PTPRT: variants seen among roughly 807,000 people sequenced by gnomAD.
The protein encoded by PTPRT is protein tyrosine phosphatase receptor type T, also known as receptor-type tyrosine-protein phosphatase T.
In PTPRT, 56 loss-of-function variants were observed where a neutral mutation model predicts 176.8. The observed-to-expected ratio is 0.32, with a 90% CI of 0.26 to 0.40. The LOEUF is 0.40. Ranked by LOEUF, PTPRT falls within the 10% of genes least tolerant of loss-of-function variation. The probability of loss-of-function intolerance (pLI) is 1.00; values close to 1 mark genes in which losing one functional copy is unlikely to be tolerated. For missense variants in PTPRT, 1,540 were observed against 1,908.2 expected (o/e 0.81, Z 3.60); for synonymous variants, 783 against 739.0 (o/e 1.06, Z -0.96).
intron 2 of PTPRT, among the ~76,000 whole-genome samples, chr20:42,884,787 G>A (rs1288193404): frequency 1.3e-5 from 2 of 152,116 alleles, no homozygotes; most frequent in Non-Finnish European, 2.9e-5. Context: ...GTAGAAAATG[G>A]CCTCCCTTCT....
chr20:42,944,398 G>T (rs535697230), intron 1 of PTPRT, among the ~76,000 whole-genome samples: 53 of 152,236 alleles, frequency 3.5e-4, no homozygotes, highest in Middle Eastern at 3.4e-3. Context: ...GACACTCCTG[G>T]AACAAAAATC....
intron 23 of PTPRT, among the ~76,000 whole-genome samples, chr20:42,107,316 G>A (rs1317841046): frequency 2.0e-5 from 3 of 152,160 alleles, no homozygotes; most frequent in Non-Finnish European, 2.9e-5. Context: ...GGACAGAAAC[G>A]AGAGTCCTCT....
At chr20:42,085,912 C>T (rs1983849204) in intron 27 of PTPRT, 59 bp from the exon 28 acceptor site, 6 of 1,485,732 alleles carry the variant, frequency 4.0e-6, no homozygotes, top group East Asian at 2.3e-5. Flanking sequence ...GTATCAAAGT[C>T]TCATTTATCA....
At chr20:43,059,133 T>C (rs1568759351) in intron 1 of PTPRT, among the ~76,000 whole-genome samples, 2 of 152,222 alleles carry the variant, frequency 1.3e-5, no homozygotes, top group Admixed American at 1.3e-4. Flanking sequence ...TTAGGGTCAT[T>C]CTTCCACTGT....
intron 1 of PTPRT, among the ~76,000 whole-genome samples, chr20:43,131,518 C>T (rs187019516): frequency 3.1e-4 from 47 of 152,260 alleles, no homozygotes; most frequent in African/African-American, 1.1e-3. Flanking sequence ...GAATTTTCCT[C>T]GACCAAATTT....
Position 43,094,703 on chromosome 20 carries a change from CTTTA to C in PTPRT, c.88+94939_88+94942del, listed in dbSNP as rs1371451797. On this transcript the variant is annotated intron_variant, in intron 1 of 30. Coordinates refer to ENST00000373187, the MANE Select transcript of PTPRT (RefSeq NM_007050.6). ...TGAGCCACCATGCCCGGCCTCTTCT[CTTTA>C]TTTATCACCTTAGGTGTTTATTGTT... 2.0e-5 allele frequency among the ~76,000 whole-genome samples: 3 copies of C among 152,194 alleles called. No individual in the cohort carries two copies. In the East Asian group the frequency reaches 5.8e-4, roughly 29 times the overall value.
chr20:42,508,896 A>G (rs1485642967), intron 7 of PTPRT, among the ~76,000 whole-genome samples: 3 of 144,772 alleles, frequency 2.1e-5, no homozygotes, highest in Admixed American at 1.4e-4. Flanking sequence ...TTAATTTATA[A>G]ATATAAATAA....
intron 2 of PTPRT, among the ~76,000 whole-genome samples, chr20:42,856,458 G>A (rs929065031): frequency 1.3e-5 from 2 of 152,050 alleles, no homozygotes; most frequent in African/African-American, 4.8e-5. Context: ...GATGCTCCAG[G>A]AAACATAAAT....
chr20:42,433,148 G>C (rs541577401), intron 9 of PTPRT, among the ~76,000 whole-genome samples: 18 of 152,252 alleles, frequency 1.2e-4, no homozygotes, highest in African/African-American at 3.9e-4. Context: ...CAGTGTGTGG[G>C]AAGTTTCCCC....
At chr20:43,164,998 A>C (rs544334203) in intron 1 of PTPRT, among the ~76,000 whole-genome samples, 76 of 152,106 alleles carry the variant, frequency 5.0e-4, no homozygotes, top group Non-Finnish European at 2.8e-4. Flanking sequence ...CACAAATCTC[A>C]TCTTGAATTG....
In PTPRT at chr20:42,886,487, C is replaced by T. The variant is rs1279255560; in HGVS notation, c.89-555G>A. On this transcript the variant is annotated intron_variant, in intron 1 of 30. Coordinates refer to ENST00000373187, the MANE Select transcript of PTPRT (RefSeq NM_007050.6). ...AATAACATGTGAAAAGTAACTGCCA[C>T]AGAATACTTTCTCAGTGCCCACCTG... 2.6e-5 allele frequency among the ~76,000 whole-genome samples: 4 copies of T among 152,306 alleles called. No individual in the cohort carries two copies. The East Asian group carries it at 7.7e-4, about 29-fold the overall frequency.
At chr20:42,650,063 G>T (rs1159297517) in intron 7 of PTPRT, among the ~76,000 whole-genome samples, 1 of 152,080 alleles carries the variant, frequency 6.6e-6, no homozygotes, top group Non-Finnish European at 1.5e-5. Flanking sequence ...CTGCAAGAGG[G>T]GCATAGTCTT....
At chr20:42,545,685 A>C (rs1438940578) in intron 7 of PTPRT, among the ~76,000 whole-genome samples, 2 of 152,220 alleles carry the variant, frequency 1.3e-5, no homozygotes, top group African/African-American at 4.8e-5. Flanking sequence ...CAGCACTCTC[A>C]CAATTGGTTG....
chr20:43,142,668 T>G (rs2146403607), intron 1 of PTPRT, among the ~76,000 whole-genome samples: 1 of 152,330 alleles, frequency 6.6e-6, no homozygotes, highest in African/African-American at 2.4e-5. Flanking sequence ...CCTGTTCCAG[T>G]CAACCCACCT....
chr20:42,130,907 C>T (rs972082652), intron 18 of PTPRT, among the ~76,000 whole-genome samples: 1 of 152,110 alleles, frequency 6.6e-6, no homozygotes, highest in African/African-American at 2.4e-5. Context: ...TCTCCTTCAA[C>T]CATTTATGCC....
chr20:42,132,346 A>G (rs946685828), intron 18 of PTPRT, among the ~76,000 whole-genome samples: 7 of 152,228 alleles, frequency 4.6e-5, no homozygotes, highest in South Asian at 4.1e-4. Context: ...ATGAGAAAAC[A>G]TAGGTGTGAA....
chr20:42,270,292 G>T, intron 13 of PTPRT: 2 of 1,009,628 alleles, frequency 2.0e-6, no homozygotes, highest in Non-Finnish European at 2.9e-6. Flanking sequence ...GGGTGGGTGG[G>T]TGGGGTGGAA....
At chr20:42,040,287 C>T in the PTPRT span, among the ~76,000 whole-genome samples, 1 of 152,128 alleles carries the variant, frequency 6.6e-6, no homozygotes, top group African/African-American at 2.4e-5. Flanking sequence ...GGTTCAGCCT[C>T]CATTCCTTAC....
At chr20:42,483,788 T>TTTGGA (rs2071424416) in intron 7 of PTPRT, among the ~76,000 whole-genome samples, 5 of 152,238 alleles carry the variant, frequency 3.3e-5, no homozygotes, top group South Asian at 2.1e-4. Flanking sequence ...TGTCTTTGGC[T>TTTGGA]CCAAACATGC....
Sources: allele counts gnomAD v4.1 joint callset (sites outside exome capture counted in the v4.1 genomes callset), GRCh38; gene constraint gnomAD v4.1.1; transcripts MANE v1.5; gene names NCBI Gene and HGNC (gene_info 2026-07-23, HGNC 2026-07-21).